Variants in PLEKHA5 observed in about 807,000 individuals in gnomAD.
PLEKHA5 encodes the protein pleckstrin homology domain containing A5.
PLEKHA5 carries 55 observed loss-of-function variants against 181.9 expected under a neutral mutation model. The observed-to-expected ratio is 0.30, with a 90% confidence interval of 0.24 to 0.38. The LOEUF is 0.38. PLEKHA5 is among the 10% of genes least tolerant of loss of function. PLEKHA5 has a pLI of 1.00. For synonymous variants in PLEKHA5, 535 were observed against 529.4 expected (o/e 1.01, Z -0.15); for missense variants, 1,432 against 1,549.5 (o/e 0.92, Z 1.27).
At chr12:19,218,802 C>G (rs2058433514) in intron 3 of PLEKHA5, among the ~76,000 whole-genome samples, 1 of 151,478 alleles carries the variant, frequency 6.6e-6, no homozygotes, top group Non-Finnish European at 1.5e-5. Context: ...TTTTGTATAT[C>G]AGCAGATTAT....
chr12:19,228,476 A>G (rs776378609), intron 3 of PLEKHA5, among the ~76,000 whole-genome samples: 3 of 152,160 alleles, frequency 2.0e-5, no homozygotes, highest in Admixed American at 6.5e-5. Flanking sequence ...AACAATAGCT[A>G]TTGCAAAATG....
At chr12:19,320,127 G>A (rs933469556) in intron 17 of PLEKHA5, 71 bp downstream of exon 17, 2 of 583,656 alleles carry the variant, frequency 3.4e-6, no homozygotes, top group African/African-American at 2.0e-5. Context: ...GTTGACATTT[G>A]AGTGTACACA....
At chr12:19,312,338 T>G (rs2086853253) in intron 15 of PLEKHA5, among the ~76,000 whole-genome samples, 1 of 152,224 alleles carries the variant, frequency 6.6e-6, no homozygotes, top group Non-Finnish European at 1.5e-5. Flanking sequence ...GAGCCAGGCA[T>G]TGACTTTCCC....
intron 25 of PLEKHA5, among the ~76,000 whole-genome samples, chr12:19,353,058 G>T (rs992436456): frequency 2.0e-5 from 3 of 151,870 alleles, no homozygotes; most frequent in Non-Finnish European, 2.9e-5. Context: ...AAAGTGCTAG[G>T]ATTACAGGCA....
intron 3 of PLEKHA5, among the ~76,000 whole-genome samples, chr12:19,230,835 G>A (rs1045030053): frequency 3.3e-5 from 5 of 152,182 alleles, no homozygotes; most frequent in African/African-American, 1.2e-4. Flanking sequence ...GGCTCCTCAG[G>A]CACGGCCAGA....
At chr12:19,282,995 A>G (rs1035464446) in intron 11 of PLEKHA5, among the ~76,000 whole-genome samples, 6 of 151,844 alleles carry the variant, frequency 4.0e-5, no homozygotes, top group African/African-American at 1.2e-4. Flanking sequence ...CAGGAATTCA[A>G]GATCAGCCGG....
intron 3 of PLEKHA5, among the ~76,000 whole-genome samples, chr12:19,141,152 T>TCACC (rs1188268557): frequency 6.6e-6 from 1 of 151,916 alleles, no homozygotes; most frequent in African/African-American, 2.4e-5. Context: ...AGGCTCTTCC[T>TCACC]CACCTGCTTT....
intron 3 of PLEKHA5, among the ~76,000 whole-genome samples, chr12:19,142,080 C>T (rs899528002): frequency 6.6e-6 from 1 of 152,142 alleles, no homozygotes; most frequent in Non-Finnish European, 1.5e-5. Context: ...AATGTTAAGG[C>T]CAGGTGCTGT....
Position 19,365,110 on chromosome 12 carries a change from G to T in PLEKHA5, c.3609-854G>T, listed in dbSNP as rs562426903. On this transcript the variant is annotated intron_variant, in intron 29 of 31. Transcript: ENST00000429027. ...ACTTTGGCCAGGCGCAGTAGGTCAC[G>T]CCTGTAATCCCACCACTTTGGGAGG... is the stretch of plus-strand genomic sequence containing the variant. Among the ~76,000 whole-genome samples, 7 of 152,202 alleles carry T rather than the reference G, an allele frequency of 4.6e-5. No homozygotes were observed. In the East Asian group the frequency reaches 7.7e-4, roughly 17 times the overall value.
At chr12:19,304,015 C>T (rs2082382966) in intron 15 of PLEKHA5, among the ~76,000 whole-genome samples, 1 of 149,816 alleles carries the variant, frequency 6.7e-6, no homozygotes, top group Admixed American at 6.7e-5. Context: ...CACCATGTTG[C>T]CCATGCTGGT....
intron 3 of PLEKHA5, among the ~76,000 whole-genome samples, chr12:19,184,021 G>A (rs1192148798): frequency 6.6e-6 from 1 of 152,052 alleles, no homozygotes; most frequent in Non-Finnish European, 1.5e-5. Context: ...GGTCTTATAA[G>A]GAAAAATTTG....
intron 13 of PLEKHA5, among the ~76,000 whole-genome samples, chr12:19,290,283 G>T (rs1005822383): frequency 6.6e-6 from 1 of 152,096 alleles, no homozygotes; most frequent in African/African-American, 2.4e-5. Flanking sequence ...GGACATGCAG[G>T]TATTTGTACT....
chr12:19,209,497 A>G (rs571386720), intron 3 of PLEKHA5, among the ~76,000 whole-genome samples: 1 of 152,354 alleles, frequency 6.6e-6, no homozygotes, highest in African/African-American at 2.4e-5. Flanking sequence ...CTGAAAAATT[A>G]GTTGAGCAAA....
chr12:19,130,179 G>C lies in PLEKHA5; in HGVS notation c.169+49G>C, dbSNP rs755413561. The stretch of plus-strand genomic sequence containing the variant: ...TGGGCTCCGCCTGGAGGAGGCGGCA[G>C]AGCCCGGGCCGCCCGGCTCCCCGCA... On this transcript the variant is annotated intron_variant, in intron 2 of 31. Coordinates refer to ENST00000429027, the MANE Select transcript of PLEKHA5 (RefSeq NM_001256470.2). The surrounding 1 kb of genome is among the most constrained non-coding windows in gnomAD (Gnocchi z 4.5). 3.1e-6 allele frequency: 4 copies of C among 1,294,204 alleles called. No individual in the cohort carries two copies. The highest frequency in any genetic ancestry group is 4.2e-6 in the Non-Finnish European group (4 of 950,548). The allele number at this position is 1,294,204 out of a possible 1,614,324, so 80.2% of individuals were successfully genotyped here.
rs372627754 is a variant in PLEKHA5 at position 19,369,730 on chromosome 12, G to T, written c.3792G>T (p.Ser1264=). Residue 1264 remains serine (S), a synonymous_variant, in exon 31 of 32, where the codon TCG becomes TCT. Transcript: ENST00000429027. ...SLSPSPESSA[S]PVPSTQPQLT... is the part of the protein sequence containing the mutation. ...CCCCATCTCCTGAGTCCTCGGCATCGCCAGTTCCATCCACTCAGCCGCAGC... is the reference window on the plus strand; with the variant it reads ...CCCCATCTCCTGAGTCCTCGGCATCTCCAGTTCCATCCACTCAGCCGCAGC... 6.7e-5 allele frequency: 108 copies of T among 1,611,956 alleles called. No individual in the cohort carries two copies. Among genetic ancestry groups the T allele is most frequent in the Non-Finnish European group, 8.6e-5 (101 of 1,178,986 alleles).
At chr12:19,183,967 A>T (rs892134185) in intron 3 of PLEKHA5, among the ~76,000 whole-genome samples, 12 of 152,152 alleles carry the variant, frequency 7.9e-5, no homozygotes, top group Admixed American at 6.5e-4. Context: ...CACCTGCCTT[A>T]GCCTCCCAAA....
rs1380733697 is a variant in PLEKHA5 at position 19,308,153 on chromosome 12, T to G, written c.2038-6661T>G. On this transcript the variant is annotated intron_variant, in intron 15 of 31. Transcript: ENST00000429027. ...AGATTCCCCTAAAACAAAGAAACGT[T>G]CTGTGGAAAAGGGAACTGGTGATTC... Among the ~76,000 whole-genome samples the G allele has an allele frequency of 2.0e-5, 3 of 151,868 alleles. No individual in the cohort carries two copies. In the East Asian group the frequency reaches 5.8e-4, roughly 29 times the overall value.
intron 2 of PLEKHA5, among the ~76,000 whole-genome samples, 156 bp from the exon 3 acceptor site, chr12:19,132,237 A>G (rs539965242): frequency 1.1e-4 from 16 of 152,212 alleles, no homozygotes; most frequent in African/African-American, 3.9e-4. Flanking sequence ...TGTTTTTCAA[A>G]AAATGATATC....
chr12:19,242,606 G>T (rs1229557453), intron 3 of PLEKHA5, among the ~76,000 whole-genome samples: 1 of 152,164 alleles, frequency 6.6e-6, no homozygotes, highest in Non-Finnish European at 1.5e-5. Flanking sequence ...AGATAACTTA[G>T]AAATTATCAG....
Sources: gnomAD v4.1 joint callset for allele counts (sites outside exome capture counted in the v4.1 genomes callset) on GRCh38, gnomAD v4.1.1 for gene constraint, Gnocchi (gnomAD v3.1) non-coding constraint, MANE v1.5 for transcripts, NCBI Gene and HGNC (gene_info 2026-07-23, HGNC 2026-07-21) for gene names.